Variants in LPA observed in about 807,000 individuals in gnomAD.
LPA encodes apolipoprotein(a).
Under a neutral mutation model 197.9 loss-of-function variants are expected in LPA, and 199 were observed. The ratio of observed to expected loss-of-function variants is 1.01; its 90% CI spans 0.90 to 1.13. The LOEUF (loss-of-function observed/expected upper bound fraction) is 1.13. LPA is among the 50% of genes most tolerant of loss of function. The probability of loss-of-function intolerance (pLI) is 0.00; values close to 1 mark genes in which losing one functional copy is unlikely to be tolerated. For synonymous variants in LPA, 715 were observed against 639.5 expected (o/e 1.12, Z -1.78); for missense variants, 1,853 against 1,785.8 (o/e 1.04, Z -0.68).
intron 16 of LPA, 71 bp downstream of exon 16, chr6:160,611,491 T>G: frequency 1.3e-6 from 2 of 1,590,938 alleles, no homozygotes; most frequent in Non-Finnish European, 1.7e-6. Context: ...GAACTCAGCT[T>G]GAAGCATGTC....
chr6:160,545,073 A>G (rs1778043780), intron 33 of LPA, among the ~76,000 whole-genome samples: 1 of 151,984 alleles, frequency 6.6e-6, no homozygotes, highest in Admixed American at 6.6e-5. Context: ...TCTCAGCTGC[A>G]GAAGAGGACA....
At chr6:160,589,191 T>A (rs984967317) in intron 24 of LPA, among the ~76,000 whole-genome samples, 2 of 152,218 alleles carry the variant, frequency 1.3e-5, no homozygotes, top group African/African-American at 2.4e-5. Context: ...CAACCTTCAC[T>A]CCAGGGCTTG....
chr6:160,565,916 A>G lies in LPA; in HGVS notation c.4632-8345T>C, dbSNP rs1778444926. On this transcript the variant is annotated intron_variant, in intron 28 of 38. Coordinates refer to ENST00000316300, the MANE Select transcript of LPA (RefSeq NM_005577.4). ...TCAGTAGTTGATTCAATCAAGTGGA[A>G]GAAAGGGTATCAGTGATTAAAGATC... Among the ~76,000 whole-genome samples, 3 of 152,222 alleles carry G rather than the reference A, an allele frequency of 2.0e-5. No homozygotes were observed. The South Asian group carries it at 6.2e-4, about 32-fold the overall frequency.
intron 32 of LPA, among the ~76,000 whole-genome samples, chr6:160,546,626 A>G (rs560540851): frequency 4.1e-4 from 63 of 152,284 alleles, no homozygotes; most frequent in African/African-American, 1.5e-3. Flanking sequence ...GCAGTGGGGC[A>G]GTCTTGTAGG....
chr6:160,558,820 A>C (rs116478655), intron 28 of LPA, among the ~76,000 whole-genome samples: 1 of 152,144 alleles, frequency 6.6e-6, no homozygotes, highest in Non-Finnish European at 1.5e-5. Context: ...CGTTGACCCA[A>C]CTTGTCAGAA....
At chr6:160,532,439 C>T in intron 38 of LPA, 92 bp downstream of exon 38, 1 of 999,366 alleles carries the variant, frequency 1.0e-6, no homozygotes, top group East Asian at 2.4e-5. Flanking sequence ...ACTGACAAAA[C>T]CTTCCTGAAT....
At chr6:160,564,636 C>T (rs1583581669) in intron 28 of LPA, among the ~76,000 whole-genome samples, 1 of 152,186 alleles carries the variant, frequency 6.6e-6, no homozygotes, top group East Asian at 1.9e-4. Context: ...CTGGGTTCAT[C>T]TCACCGGGGC....
intron 1 of LPA, among the ~76,000 whole-genome samples, chr6:160,652,452 T>C (rs1780024853): frequency 6.6e-6 from 1 of 152,062 alleles, no homozygotes; most frequent in Admixed American, 6.5e-5. Flanking sequence ...GCAAAATCAC[T>C]TTTAAAAACT....
intron 26 of LPA, among the ~76,000 whole-genome samples, chr6:160,579,005 C>T (rs1778739440): frequency 6.6e-6 from 1 of 152,088 alleles, no homozygotes; most frequent in South Asian, 2.1e-4. Flanking sequence ...TCACCTTCTG[C>T]CAAATACTTT....
chr6:160,555,996 T>C, intron 30 of LPA, 29 bp downstream of exon 30: 1 of 1,538,598 alleles, frequency 6.5e-7, no homozygotes, highest in Non-Finnish European at 9.0e-7. Flanking sequence ...TGGCTGTTGC[T>C]CCTCTTACAA....
intron 22 of LPA, 80 bp downstream of exon 22, chr6:160,593,878 A>G (rs1323520784): frequency 3.9e-6 from 6 of 1,542,578 alleles, no homozygotes; most frequent in Non-Finnish European, 5.4e-6. Flanking sequence ...TTGTCATAAG[A>G]AGTTAGTTGG....
chr6:160,595,234 C>A (rs1276490477), intron 21 of LPA, 120 bp downstream of exon 21: 7 of 1,290,678 alleles, frequency 5.4e-6, no homozygotes, highest in Non-Finnish European at 7.8e-6. Flanking sequence ...AGTGGCTGAC[C>A]CTGAGTCCAC....
intron 2 of LPA, among the ~76,000 whole-genome samples, chr6:160,648,049 T>G (rs1472707831): frequency 6.6e-6 from 1 of 152,202 alleles, no homozygotes; most frequent in African/African-American, 2.4e-5. Flanking sequence ...TTTAGGGGAG[T>G]GCACAATGTG....
Position 160,611,579 on chromosome 6 carries a change from T to C in LPA, c.2586A>G (p.Pro862=), listed in dbSNP as rs779577312. ...SMTPHSHSRT[P]EYYPNAGLIM... ...AGACATACGCATTTGGGTAGTATTC[T>C]GGGGTCCGACTATGCGAGTGTGGTG... is the stretch of plus-strand genomic sequence containing the variant. Residue 862 remains proline (P), a synonymous_variant, in exon 16 of 39, where the codon CCA becomes CCG. Coordinates refer to ENST00000316300, the MANE Select transcript of LPA (RefSeq NM_005577.4). 6 of 1,605,744 alleles carry C rather than the reference T, an allele frequency of 3.7e-6. No homozygotes were observed. The highest frequency in any genetic ancestry group is 1.1e-5 in the South Asian group (1 of 90,944).
chr6:160,555,644 A>C (rs1446722814), intron 30 of LPA, among the ~76,000 whole-genome samples: 2 of 151,832 alleles, frequency 1.3e-5, no homozygotes, highest in Admixed American at 1.3e-4. Context: ...GACCCATGAC[A>C]AAAATGGCAA....
At chr6:160,608,090 G>A (rs540086051) in intron 16 of LPA, among the ~76,000 whole-genome samples, 34 of 152,130 alleles carry the variant, frequency 2.2e-4, no homozygotes, top group African/African-American at 7.2e-4. Flanking sequence ...AGTAGTCAAC[G>A]CTCATTTAAA....
intron 28 of LPA, among the ~76,000 whole-genome samples, chr6:160,569,914 G>A (rs910143075): frequency 3.9e-5 from 6 of 152,148 alleles, no homozygotes; most frequent in Non-Finnish European, 7.4e-5. Flanking sequence ...TCAGAGAAAT[G>A]CAAATCAAAA....
At chr6:160,655,055 C>T (rs554316948) in intron 1 of LPA, among the ~76,000 whole-genome samples, 4 of 152,128 alleles carry the variant, frequency 2.6e-5, no homozygotes, top group South Asian at 2.1e-4. Flanking sequence ...TGCTCAAGCC[C>T]GATCACATAC....
chr6:160,648,168 C>G (rs768050855), intron 2 of LPA, among the ~76,000 whole-genome samples: 1 of 152,020 alleles, frequency 6.6e-6, no homozygotes, highest in Non-Finnish European at 1.5e-5. Context: ...CTTTTGTGTC[C>G]AGGTTGCAGT....
Sources: gnomAD v4.1 joint callset for allele counts (sites outside exome capture counted in the v4.1 genomes callset) on GRCh38, gnomAD v4.1.1 for gene constraint, MANE v1.5 for transcripts, NCBI Gene and HGNC (gene_info 2026-07-23, HGNC 2026-07-21) for gene names.